The following VAC14 variants were observed in gnomAD, a reference collection of about 807,000 sequenced individuals.
VAC14 encodes protein VAC14 homolog.
A neutral mutation model predicts 85.3 loss-of-function variants in VAC14; 47 were observed. The ratio of observed to expected loss-of-function variants is 0.55; its 90% confidence interval spans 0.44 to 0.70. The LOEUF (loss-of-function observed/expected upper bound fraction) is 0.70, where lower values mean the gene tolerates loss of function less well. Among genes scored for constraint, VAC14 ranks in the 30% least tolerant of loss-of-function variants. The probability of loss-of-function intolerance (pLI) is 0.00; values close to 1 mark genes in which losing one functional copy is unlikely to be tolerated. For missense variants in VAC14, 861 were observed against 1,004.3 expected, an observed-to-expected ratio of 0.86 and a Z score of 1.93; for synonymous variants, 447 against 430.5, an observed-to-expected ratio of 1.04 and a Z score of -0.47.
chr16:70,736,484 C>T (rs1396269873), intron 13 of VAC14, among the ~76,000 whole-genome samples: 1 of 152,104 alleles, frequency 6.6e-6, no homozygotes, highest in Non-Finnish European at 1.5e-5. Flanking sequence ...CCTGTGACCC[C>T]CACACATCTG....
intron 14 of VAC14, among the ~76,000 whole-genome samples, chr16:70,723,530 G>A (rs989567476): frequency 7.2e-5 from 11 of 152,314 alleles, no homozygotes; most frequent in African/African-American, 2.6e-4. Flanking sequence ...TGAAGCTGCT[G>A]GAGTGACCAA....
intron 12 of VAC14, among the ~76,000 whole-genome samples, chr16:70,756,289 G>A (rs538359332): frequency 3.3e-5 from 5 of 152,274 alleles, no homozygotes; most frequent in Admixed American, 1.3e-4. Flanking sequence ...AAGTTGGGCC[G>A]TTCCTCTGGG....
chr16:70,783,632 C>T (rs2033917804), intron 5 of VAC14, 78 bp from the exon 6 acceptor site: 3 of 1,443,012 alleles, frequency 2.1e-6, no homozygotes, highest in East Asian at 2.3e-5. Flanking sequence ...TGGGACTGGG[C>T]TGTAGGAAGG....
chr16:70,728,738 C>T (rs1447807070), intron 14 of VAC14, among the ~76,000 whole-genome samples: 1 of 152,226 alleles, frequency 6.6e-6, no homozygotes, highest in African/African-American at 2.4e-5. Flanking sequence ...CCACCTCAGC[C>T]CAGTTCTCCA....
intron 18 of VAC14, chr16:70,690,658 A>G: frequency 1.0e-6 from 1 of 985,588 alleles, no homozygotes; most frequent in Non-Finnish European, 1.2e-6. Flanking sequence ...CCCAGCTCCA[A>G]GGCCTGCCCC....
intron 14 of VAC14, among the ~76,000 whole-genome samples, chr16:70,717,185 A>G (rs1246650210): frequency 6.6e-6 from 1 of 152,254 alleles, no homozygotes; most frequent in African/African-American, 2.4e-5. Context: ...AATCAGCACC[A>G]GCGCACTCTG....
intron 12 of VAC14, among the ~76,000 whole-genome samples, chr16:70,749,250 G>A (rs997413564): frequency 3.3e-5 from 5 of 152,162 alleles, no homozygotes; most frequent in South Asian, 2.1e-4. Flanking sequence ...TTCCAACCCC[G>A]CTTTCTCCCC....
chr16:70,741,978 C>T (rs1397076307), intron 13 of VAC14, among the ~76,000 whole-genome samples: 1 of 152,250 alleles, frequency 6.6e-6, no homozygotes, highest in Non-Finnish European at 1.5e-5. Flanking sequence ...ACACGTCCTA[C>T]TCCCTCCGGC....
In VAC14 at chr16:70,718,738, C is replaced by T. The variant is rs561055831; in HGVS notation, c.1661+12757G>A. ...ACGTGGGGTTCTGTTAGGGCTGCCA[C>T]TCACAGCACCCCTCAGCCCCACCTC... On this transcript the variant is annotated intron_variant, in intron 14 of 18. Coordinates refer to ENST00000261776, the MANE Select transcript of VAC14 (RefSeq NM_018052.5). Among the ~76,000 whole-genome samples, 5 of 152,234 alleles carry T rather than the reference C, an allele frequency of 3.3e-5. No individual in the cohort carries two copies. In the South Asian group the frequency reaches 6.2e-4, roughly 19 times the overall value.
Position 70,692,926 on chromosome 16 carries a change from A to G in VAC14, c.2081T>C (p.Ile694Thr), listed in dbSNP as rs967108185. The change falls in exon 18 of 19, where the codon ATC becomes ACC. Residue 694 changes from isoleucine to threonine, a missense_variant. Physicochemically the swap from Ile to Thr is moderately conservative, Grantham distance 89. Coordinates refer to ENST00000261776, the MANE Select transcript of VAC14 (RefSeq NM_018052.5). ...CATGAGCAGGCCGTAGAGGGCCTTG[A>G]TCAGGTAGGGGTTGTTCTTCACGTC... is the stretch of plus-strand genomic sequence containing the variant. ...LLDVKNNPYL[I>T]KALYGLLMLL... The G allele has an allele frequency of 1.2e-6, 2 of 1,611,058 alleles. No individual in the cohort carries two copies. The highest frequency in any genetic ancestry group is 1.7e-6 in the Non-Finnish European group (2 of 1,179,386).
At chr16:70,729,583 CT>C (rs1254520372) in intron 14 of VAC14, among the ~76,000 whole-genome samples, 2 of 152,218 alleles carry the variant, frequency 1.3e-5, no homozygotes, top group East Asian at 3.9e-4. Flanking sequence ...ACCTCCCTCA[CT>C]GCCTCCTGCC....
rs758600638 is a variant in VAC14, at chr16:70,688,039, G to A, written c.2238C>T (p.Ile746=). Residue 746 remains isoleucine, a synonymous_variant, in exon 19 of 19, where the codon ATC becomes ATT. Transcript: ENST00000261776. ...AGTGCTGCAGCAGCTCTGCGTAGTC[G>A]ATGCTAGGGGAGTCAGCTTTCTGGG... is the stretch of plus-strand genomic sequence containing the variant. ...PKSQKADSPS[I]DYAELLQHFE... 8 of 1,600,452 alleles carry A rather than the reference G, an allele frequency of 5.0e-6. No individual in the cohort carries two copies. The East Asian group carries it at 1.1e-4, about 23-fold the overall frequency.
At chr16:70,712,873 G>GCGA (rs1451376489) in intron 14 of VAC14, among the ~76,000 whole-genome samples, 1 of 152,202 alleles carries the variant, frequency 6.6e-6, no homozygotes, top group Non-Finnish European at 1.5e-5. Flanking sequence ...GAGAGGCTTG[G>GCGA]CGACGGAGCC....
intron 13 of VAC14, among the ~76,000 whole-genome samples, chr16:70,733,174 A>G (rs1358953065): frequency 6.6e-6 from 1 of 152,194 alleles, no homozygotes; most frequent in South Asian, 2.1e-4. Flanking sequence ...GCGATCACTC[A>G]TCTACCTTCC....
chr16:70,753,314 GGGCTCACCCA>G (rs919268756), intron 12 of VAC14, among the ~76,000 whole-genome samples: 35 of 152,338 alleles, frequency 2.3e-4, no homozygotes, highest in Middle Eastern at 6.8e-3. Context: ...GGGCTCACCT[GGGCTCACCCA>G]GGCTCACCCA....
chr16:70,760,323 G>T (rs1567576420), intron 12 of VAC14, among the ~76,000 whole-genome samples: 2 of 152,192 alleles, frequency 1.3e-5, no homozygotes, highest in African/African-American at 2.4e-5. Flanking sequence ...TAGAAAGGAA[G>T]TTTCAGGAGA....
intron 12 of VAC14, among the ~76,000 whole-genome samples, chr16:70,752,306 C>T (rs1052134746): frequency 2.5e-4 from 38 of 152,230 alleles, no homozygotes; most frequent in African/African-American, 5.8e-4. Flanking sequence ...AACACTCTAG[C>T]GGCCATTCCT....
chr16:70,745,966 T>C (rs1332495790), intron 12 of VAC14, among the ~76,000 whole-genome samples: 2 of 152,226 alleles, frequency 1.3e-5, no homozygotes, highest in Non-Finnish European at 2.9e-5. Flanking sequence ...GATTAAAATG[T>C]TGTGGAATTA....
chr16:70,727,920 G>C (rs1358546589), intron 14 of VAC14, among the ~76,000 whole-genome samples: 1 of 152,152 alleles, frequency 6.6e-6, no homozygotes. Context: ...GAACCAGCTG[G>C]GCCAGGTGGC....
Sources: gnomAD v4.1 joint callset for allele counts (sites outside exome capture counted in the v4.1 genomes callset) on GRCh38, gnomAD v4.1.1 for gene constraint, MANE v1.5 for transcripts, NCBI Gene and HGNC (gene_info 2026-07-23, HGNC 2026-07-21) for gene names.